Variants in KIAA1549L observed in about 807,000 individuals in gnomAD.
KIAA1549L encodes KIAA1549 like, also known as UPF0606 protein KIAA1549L.
Under a neutral mutation model 160.7 loss-of-function variants are expected in KIAA1549L, and 88 were observed. That is an observed-to-expected ratio of 0.55 (90% confidence interval 0.46 to 0.65). The LOEUF (loss-of-function observed/expected upper bound fraction) is 0.65, where lower values mean the gene tolerates loss of function less well. KIAA1549L is among the 30% of genes least tolerant of loss of function. The pLI is 0.00. For missense variants in KIAA1549L, 2,258 were observed against 2,437.5 expected (o/e 0.93, Z 1.55); for synonymous variants, 950 against 976.7 (o/e 0.97, Z 0.51).
chr11:33,530,414 GAAAAAAA>G (rs71457306), intron 1 of KIAA1549L, among the ~76,000 whole-genome samples: 337 of 16,346 alleles, frequency 0.021, 1 homozygote, highest in Middle Eastern at 0.2. Context: ...GAAGAAGAAG[GAAAAAAA>G]AAAAAAAAAA....
chr11:33,580,677 A>G (rs1351588849), intron 10 of KIAA1549L, among the ~76,000 whole-genome samples: 1 of 151,892 alleles, frequency 6.6e-6, no homozygotes, highest in African/African-American at 2.4e-5. Context: ...TTTTTAACAG[A>G]TATTTATTGA....
chr11:33,514,651 C>G (rs1160763866), intron 1 of KIAA1549L, among the ~76,000 whole-genome samples: 1 of 152,218 alleles, frequency 6.6e-6, no homozygotes, highest in African/African-American at 2.4e-5. Context: ...CATATACCAA[C>G]CAGCCAATTT....
At chr11:33,396,022 T>A (rs1182067043) in intron 1 of KIAA1549L, among the ~76,000 whole-genome samples, 2 of 152,112 alleles carry the variant, frequency 1.3e-5, no homozygotes, top group African/African-American at 4.8e-5. Context: ...ATTGGTTGTA[T>A]TTTTTTCTTT....
At chr11:33,479,725 G>A (rs1164318209) in intron 1 of KIAA1549L, among the ~76,000 whole-genome samples, 3 of 152,150 alleles carry the variant, frequency 2.0e-5, no homozygotes, top group Non-Finnish European at 4.4e-5. Flanking sequence ...TTGAATTGAG[G>A]GGTGCGTTTT....
intron 1 of KIAA1549L, among the ~76,000 whole-genome samples, chr11:33,436,549 TCAGG>T (rs1279333969): frequency 6.6e-6 from 1 of 152,194 alleles, no homozygotes; most frequent in Non-Finnish European, 1.5e-5. Context: ...ACAGACACAC[TCAGG>T]AAGAATATTT....
intron 1 of KIAA1549L, among the ~76,000 whole-genome samples, chr11:33,485,058 G>A (rs566984042): frequency 4.6e-5 from 7 of 152,300 alleles, no homozygotes; most frequent in Non-Finnish European, 1.0e-4. Flanking sequence ...GGTAGACATA[G>A]CCTCTTTATC....
At chr11:33,499,800 A>G (rs1852903740) in intron 1 of KIAA1549L, among the ~76,000 whole-genome samples, 1 of 152,240 alleles carries the variant, frequency 6.6e-6, no homozygotes, top group Admixed American at 6.5e-5. Context: ...TTTATGGAGC[A>G]CTTACTATGT....
chr11:33,657,233 G>A (rs1852095775), intron 18 of KIAA1549L, among the ~76,000 whole-genome samples: 1 of 152,152 alleles, frequency 6.6e-6, no homozygotes, highest in South Asian at 2.1e-4. Flanking sequence ...GAGTAGCAAC[G>A]GGCTTCTTGG....
At position 33,672,861 on chromosome 11, in the gene KIAA1549L, T is replaced by C. The variant is rs34746755; in HGVS notation, c.*4707T>C. ...AATACTTGTAAATTGAATTGCATGA[T>C]CTTAGCTCAGGTGCTACTAATGTGG... is the stretch of plus-strand genomic sequence containing the variant. On this transcript the variant is annotated 3_prime_UTR_variant, in exon 21 of 21. Transcript: ENST00000658780. The C allele has an allele frequency of 0.013, 1,925 of 153,914 alleles. 13 individuals are homozygous for C. The highest frequency in any genetic ancestry group is 0.021 in the Non-Finnish European group (1,412 of 68,042). The allele number at this position is 153,914 out of a possible 1,614,324, so 9.5% of individuals were successfully genotyped here. A position where few individuals can be genotyped will look rare whatever the true frequency, so the allele number is the denominator to read the frequency against.
At chr11:33,433,578 C>T (rs1404993096) in intron 1 of KIAA1549L, among the ~76,000 whole-genome samples, 1 of 152,192 alleles carries the variant, frequency 6.6e-6, no homozygotes, top group Non-Finnish European at 1.5e-5. Flanking sequence ...ACCCAGCAAT[C>T]CCATTACTGG....
At chr11:33,396,360 T>C (rs1438303835) in intron 1 of KIAA1549L, among the ~76,000 whole-genome samples, 1 of 152,154 alleles carries the variant, frequency 6.6e-6, no homozygotes, top group Non-Finnish European at 1.5e-5. Context: ...ACAATAAAAA[T>C]AGTGATGTAT....
chr11:33,606,039 G>A (rs1405079631), intron 13 of KIAA1549L, among the ~76,000 whole-genome samples: 1 of 152,012 alleles, frequency 6.6e-6, no homozygotes, highest in Non-Finnish European at 1.5e-5. Context: ...CTTCAAATTA[G>A]TTTCTCTGGC....
chr11:33,423,988 C>T (rs2134108745), intron 1 of KIAA1549L, among the ~76,000 whole-genome samples: 1 of 151,810 alleles, frequency 6.6e-6, no homozygotes, highest in South Asian at 2.1e-4. Context: ...GTGATCATGC[C>T]AGTGCATTCC....
intron 3 of KIAA1549L, among the ~76,000 whole-genome samples, chr11:33,546,392 A>C (rs1565179513): frequency 6.6e-6 from 1 of 152,142 alleles, no homozygotes; most frequent in African/African-American, 2.4e-5. Flanking sequence ...TCAGAGGCAG[A>C]AGTTGGAAAC....
intron 1 of KIAA1549L, among the ~76,000 whole-genome samples, chr11:33,395,393 T>C (rs1487281017): frequency 1.3e-5 from 2 of 152,244 alleles, no homozygotes; most frequent in African/African-American, 4.8e-5. Flanking sequence ...AGCCATAAGG[T>C]AAATGTGAAA....
At chr11:33,397,656 G>T (rs1256265356) in intron 1 of KIAA1549L, among the ~76,000 whole-genome samples, 1 of 151,656 alleles carries the variant, frequency 6.6e-6, no homozygotes, top group Non-Finnish European at 1.5e-5. Flanking sequence ...AGGTTGCGGT[G>T]AGCCAAGATC....
intron 16 of KIAA1549L, among the ~76,000 whole-genome samples, chr11:33,624,931 C>T (rs1851059556): frequency 7.5e-6 from 1 of 133,880 alleles, no homozygotes; most frequent in Admixed American, 8.1e-5. Flanking sequence ...ACAACAGTCC[C>T]CAGAGTGTGA....
At chr11:33,418,333 A>G (rs57820245) in intron 1 of KIAA1549L, among the ~76,000 whole-genome samples, 17,716 of 152,164 alleles carry the variant, frequency 0.12, 1,145 homozygotes, top group East Asian at 0.19. Context: ...GGCCTGTGGA[A>G]TCTTTCACTT....
chr11:33,633,294 G>A (rs756068383), intron 16 of KIAA1549L, among the ~76,000 whole-genome samples: 47 of 151,622 alleles, frequency 3.1e-4, no homozygotes, highest in East Asian at 1.9e-4. Flanking sequence ...GAGTCACTGC[G>A]CCCAGCCCTC....
Sources: gnomAD v4.1 joint callset for allele counts (sites outside exome capture counted in the v4.1 genomes callset) on GRCh38, gnomAD v4.1.1 for gene constraint, MANE v1.5 for transcripts, NCBI Gene and HGNC (gene_info 2026-07-23, HGNC 2026-07-21) for gene names.